Variants in CREB5 observed in about 807,000 individuals in gnomAD.
The protein encoded by CREB5 is cAMP responsive element binding protein 5.
CREB5 carries 19 observed loss-of-function variants against 57.1 expected under a neutral mutation model. The ratio of observed to expected loss-of-function variants is 0.33; its 90% CI spans 0.23 to 0.49. CREB5 has a LOEUF of 0.49. CREB5 is among the 20% of genes least tolerant of loss of function. CREB5 has a pLI of 0.99. For missense variants in CREB5, 579 were observed against 671.6 expected, an observed-to-expected ratio of 0.86 and a Z score of 1.52; for synonymous variants, 238 against 238.3, an observed-to-expected ratio of 1.00 and a Z score of 0.01.
intron 5 of CREB5, among the ~76,000 whole-genome samples, chr7:28,701,941 A>G (rs1295208737): frequency 6.6e-6 from 1 of 152,238 alleles, no homozygotes; most frequent in East Asian, 1.9e-4. Context: ...CCAATAGGCC[A>G]AAGAGTCTGC....
chr7:28,742,851 T>C (rs1804452119), intron 7 of CREB5, among the ~76,000 whole-genome samples: 1 of 152,174 alleles, frequency 6.6e-6, no homozygotes, highest in Admixed American at 6.5e-5. Flanking sequence ...GGTGCGATCT[T>C]GGCTCATTGC....
chr7:28,716,516 A>T (rs1802697201), intron 5 of CREB5, among the ~76,000 whole-genome samples: 1 of 152,244 alleles, frequency 6.6e-6, no homozygotes, highest in Non-Finnish European at 1.5e-5. Flanking sequence ...ACGGATGGAT[A>T]GATGGATGAT....
chr7:28,635,917 G>A (rs1161404100), intron 5 of CREB5, among the ~76,000 whole-genome samples: 1 of 152,210 alleles, frequency 6.6e-6, no homozygotes, highest in Non-Finnish European at 1.5e-5. Flanking sequence ...GCTCAGACCT[G>A]TGAGCCCAGC....
At chr7:28,351,398 T>G (rs1015223355) in intron 1 of CREB5, among the ~76,000 whole-genome samples, 3 of 152,286 alleles carry the variant, frequency 2.0e-5, no homozygotes, top group Middle Eastern at 3.4e-3. Context: ...CTAGACTACG[T>G]GAAGGAGGAA....
chr7:28,450,885 C>A (rs1279183907), intron 1 of CREB5, among the ~76,000 whole-genome samples: 1 of 152,146 alleles, frequency 6.6e-6, no homozygotes, highest in Admixed American at 6.5e-5. Flanking sequence ...GCATTATAAC[C>A]TGGAGGCAGA....
chr7:28,470,383 T>C (rs1211644349), intron 1 of CREB5, among the ~76,000 whole-genome samples: 1 of 152,204 alleles, frequency 6.6e-6, no homozygotes, highest in African/African-American at 2.4e-5. Context: ...TTTTCATCCA[T>C]ATTGTTGCAA....
intron 5 of CREB5, among the ~76,000 whole-genome samples, chr7:28,661,621 T>A (rs1408179977): frequency 6.6e-6 from 1 of 152,216 alleles, no homozygotes; most frequent in Non-Finnish European, 1.5e-5. Flanking sequence ...TAACTCCCTA[T>A]CTTTATTGAA....
At chr7:28,396,220 AGGCTTAGAGATACAT>A (rs1283244823) in intron 1 of CREB5, among the ~76,000 whole-genome samples, 1 of 152,208 alleles carries the variant, frequency 6.6e-6, no homozygotes. Flanking sequence ...GAAGATACAA[AGGCTTAGAGATACAT>A]GGCATGGTGC....
chr7:28,782,277 G>T (rs1807032870), intron 7 of CREB5, among the ~76,000 whole-genome samples: 1 of 152,146 alleles, frequency 6.6e-6, no homozygotes, highest in South Asian at 2.1e-4. Context: ...GATTAAAGCA[G>T]TGTGAGGGTA....
chr7:28,565,123 A>G (rs1795428111), intron 4 of CREB5, among the ~76,000 whole-genome samples: 1 of 152,220 alleles, frequency 6.6e-6, no homozygotes, highest in South Asian at 2.1e-4. Context: ...CAACACTATT[A>G]CACATTACTA....
chr7:28,497,325 G>A (rs1023705246), intron 3 of CREB5, among the ~76,000 whole-genome samples: 8 of 152,206 alleles, frequency 5.3e-5, no homozygotes, highest in African/African-American at 1.9e-4. Context: ...TTAATCTCTT[G>A]CAGCTTTGCA....
chr7:28,665,185 C>T (rs1041899660), intron 5 of CREB5, among the ~76,000 whole-genome samples: 1 of 152,138 alleles, frequency 6.6e-6, no homozygotes, highest in Non-Finnish European at 1.5e-5. Context: ...TAATGAATTT[C>T]CATGAAGGAC....
At chr7:28,464,390 T>C (rs1790471024) in intron 1 of CREB5, among the ~76,000 whole-genome samples, 1 of 152,146 alleles carries the variant, frequency 6.6e-6, no homozygotes, top group Non-Finnish European at 1.5e-5. Flanking sequence ...CTCCTTTTTA[T>C]TCTTTGGAAA....
At chr7:28,311,800 C>T (rs1785282216) in intron 1 of CREB5, among the ~76,000 whole-genome samples, 1 of 152,208 alleles carries the variant, frequency 6.6e-6, no homozygotes, top group Admixed American at 6.5e-5. Flanking sequence ...CTAACCAGTG[C>T]ATGGAGTTGC....
At chr7:28,477,710 G>C (rs921633956) in intron 1 of CREB5, among the ~76,000 whole-genome samples, 12 of 152,200 alleles carry the variant, frequency 7.9e-5, no homozygotes, top group African/African-American at 2.7e-4. Context: ...TTTTTCCAGA[G>C]TGTTTTAGTG....
rs10540496 is a variant in CREB5, at chr7:28,420,807, C to CAA, written c.3+7911_3+7912dup. ...TGTGCTTTGCAGCAAGACTCCATCTCAAAAAAAAAAAAAAAAAAAAAAGGT... is the reference window on the plus strand; with the variant it reads ...TGTGCTTTGCAGCAAGACTCCATCTCAAAAAAAAAAAAAAAAAAAAAAAAGGT... On this transcript the variant is annotated intron_variant, in intron 1 of 10. Coordinates refer to ENST00000357727, the MANE Select transcript of CREB5 (RefSeq NM_182898.4). Among the ~76,000 whole-genome samples, 431 of 92,890 alleles carry CAA rather than the reference C, an allele frequency of 4.6e-3. 10 individuals are homozygous for CAA. The highest frequency in any genetic ancestry group is 0.016 in the African/African-American group (395 of 24,600). The allele number at this position is 92,890 out of a possible 152,430, so 60.9% of individuals were successfully genotyped here. A position where few individuals can be genotyped will look rare whatever the true frequency, so the allele number is the denominator to read the frequency against.
intron 4 of CREB5, among the ~76,000 whole-genome samples, chr7:28,517,009 T>C (rs1460760389): frequency 4.6e-5 from 7 of 152,176 alleles, no homozygotes; most frequent in Non-Finnish European, 8.8e-5. Context: ...CCTGCATTAA[T>C]ACTCCCAAAG....
At chr7:28,449,174 C>CTT (rs1403878118) in intron 1 of CREB5, among the ~76,000 whole-genome samples, 12 of 152,302 alleles carry the variant, frequency 7.9e-5, no homozygotes, top group Middle Eastern at 3.4e-3. Flanking sequence ...TTCCCCTGAC[C>CTT]ACTCACTAAA....
intron 5 of CREB5, among the ~76,000 whole-genome samples, chr7:28,715,335 T>C (rs1201480668): frequency 6.6e-6 from 1 of 152,248 alleles, no homozygotes. Context: ...GAATTCAGCA[T>C]ACTCCTGACT....
Sources: allele counts gnomAD v4.1 joint callset (sites outside exome capture counted in the v4.1 genomes callset), GRCh38; gene constraint gnomAD v4.1.1; transcripts MANE v1.5; gene names NCBI Gene and HGNC (gene_info 2026-07-23, HGNC 2026-07-21).